SLC13A1: variants seen among roughly 807,000 people sequenced by gnomAD.
The protein encoded by SLC13A1 is Na(+)/sulfate cotransporter.
Under a neutral mutation model 70.0 loss-of-function variants are expected in SLC13A1, and 65 were observed. That is an observed-to-expected ratio of 0.93 (90% CI 0.76 to 1.14). The LOEUF (loss-of-function observed/expected upper bound fraction) is 1.14. Among genes scored for constraint, SLC13A1 ranks in the 50% most tolerant of loss-of-function variants. SLC13A1 has a pLI of 0.00. For missense variants in SLC13A1, 726 were observed against 717.8 expected (o/e 1.01, Z -0.13); for synonymous variants, 275 against 250.5 (o/e 1.10, Z -0.92).
chr7:123,128,898 T>A lies in SLC13A1; in HGVS notation c.1080A>T (p.Leu360=). 1 of 1,613,546 alleles carries A rather than the reference T, an allele frequency of 6.2e-7. No individual in the cohort carries two copies. The highest frequency in any genetic ancestry group is 8.5e-7 in the Non-Finnish European group (1 of 1,179,724). Residue 360 remains leucine (L), a synonymous_variant, in exon 10 of 15, where the codon CTA becomes CTT. Transcript: ENST00000194130. ...TLVLFIIMAL[L]WFSRDPGFVP... is the part of the protein sequence containing the mutation. ...CAAATCCGGGGTCTCGACTAAACCA[T>A]AGCAGAGCCATTATAATGAAGAGGA...
chr7:123,160,378 G>C (rs1168155506), intron 6 of SLC13A1, among the ~76,000 whole-genome samples: 1 of 151,782 alleles, frequency 6.6e-6, no homozygotes, highest in African/African-American at 2.4e-5. Flanking sequence ...ATGATAAAAG[G>C]TTAATCAATC....
chr7:123,138,727 A>G, intron 7 of SLC13A1, among the ~76,000 whole-genome samples: 1 of 152,094 alleles, frequency 6.6e-6, no homozygotes, highest in East Asian at 1.9e-4. Flanking sequence ...TATTTTGAGA[A>G]ATATCCAAAT....
rs546015071 is a variant in SLC13A1, at chr7:123,123,002, C to T, written c.1350+124G>A. The T allele has an allele frequency of 2.1e-5, 15 of 718,104 alleles. No homozygotes were observed. In the African/African-American group the frequency reaches 2.6e-4, roughly 12 times the overall value. 44.5% of individuals were successfully genotyped at this position (718,104 alleles called of 1,614,324 possible). A position where few individuals can be genotyped will look rare whatever the true frequency, so the allele number is the denominator to read the frequency against. ...TTTGTGTGGTATATTCACTGCATAGCTAGCAAAATTTGCAACATTAAAATG... is the reference window on the plus strand; with the variant it reads ...TTTGTGTGGTATATTCACTGCATAGTTAGCAAAATTTGCAACATTAAAATG... On this transcript the variant is annotated intron_variant, in intron 12 of 14. Transcript: ENST00000194130.
At chr7:123,134,588 T>C in intron 7 of SLC13A1, 59 bp from the exon 8 acceptor site, 1 of 1,546,440 alleles carries the variant, frequency 6.5e-7, no homozygotes, top group East Asian at 2.3e-5. Flanking sequence ...TCCTTTCTGA[T>C]TGTCACAGGG....
At chr7:123,150,828 C>A (rs914067731) in intron 6 of SLC13A1, among the ~76,000 whole-genome samples, 8 of 152,034 alleles carry the variant, frequency 5.3e-5, no homozygotes, top group Non-Finnish European at 1.0e-4. Context: ...GTCTCCCTTG[C>A]CAGTTATTTT....
Position 123,193,984 on chromosome 7 carries a change from C to T in SLC13A1, c.99+5864G>A, listed in dbSNP as rs182800953. Among the ~76,000 whole-genome samples, 570 of 152,218 alleles carry T rather than the reference C, an allele frequency of 3.7e-3. 4 individuals are homozygous for T. Among genetic ancestry groups the T allele is most frequent in the African/African-American group, 0.013 (532 of 41,540 alleles). ...CTCTCCTTCCTATCAGGTCCAAAGCCTTACATCCTTCTGCCACGCTAGATC... is the reference window on the plus strand; with the variant it reads ...CTCTCCTTCCTATCAGGTCCAAAGCTTTACATCCTTCTGCCACGCTAGATC... On this transcript the variant is annotated intron_variant, in intron 1 of 14. Coordinates refer to ENST00000194130, the MANE Select transcript of SLC13A1 (RefSeq NM_022444.4).
intron 6 of SLC13A1, chr7:123,149,424 T>C (rs886576700): frequency 2.2e-6 from 1 of 454,194 alleles, no homozygotes; most frequent in African/African-American, 2.0e-5. Context: ...CAAGTAGTAG[T>C]TTCTTAACGT....
chr7:123,127,438 TAAAG>T (rs1479667117), intron 10 of SLC13A1, among the ~76,000 whole-genome samples: 1 of 152,152 alleles, frequency 6.6e-6, no homozygotes, highest in African/African-American at 2.4e-5. Flanking sequence ...GGTGTTTAGA[TAAAG>T]ACTCTCCCTG....
At chr7:123,116,105 G>A (rs1585276909) in intron 14 of SLC13A1, among the ~76,000 whole-genome samples, 1 of 152,248 alleles carries the variant, frequency 6.6e-6, no homozygotes, top group East Asian at 1.9e-4. Flanking sequence ...ACGCCATATG[G>A]CAACTGTATC....
At chr7:123,198,848 C>T (rs1796264589) in intron 1 of SLC13A1, among the ~76,000 whole-genome samples, 1 of 152,054 alleles carries the variant, frequency 6.6e-6, no homozygotes, top group Non-Finnish European at 1.5e-5. Flanking sequence ...CTGGGAATTG[C>T]CCCACCTGTG....
intron 12 of SLC13A1, among the ~76,000 whole-genome samples, chr7:123,120,601 G>A (rs1793343190): frequency 6.6e-6 from 1 of 151,990 alleles, no homozygotes; most frequent in Admixed American, 6.6e-5. Flanking sequence ...ATGACAACTA[G>A]AAGTGGCATG....
At chr7:123,188,126 C>T (rs1474216105) in intron 1 of SLC13A1, among the ~76,000 whole-genome samples, 1 of 152,116 alleles carries the variant, frequency 6.6e-6, no homozygotes, top group Non-Finnish European at 1.5e-5. Context: ...GGCGCAGTTT[C>T]CCCCATGCTG....
intron 1 of SLC13A1, among the ~76,000 whole-genome samples, chr7:123,184,137 TA>T (rs1326919699): frequency 6.6e-6 from 1 of 152,120 alleles, no homozygotes; most frequent in Non-Finnish European, 1.5e-5. Flanking sequence ...TTTTTATCCT[TA>T]TTTTTTTAAT....
Position 123,121,413 on chromosome 7 carries a change from T to G in SLC13A1, c.1350+1713A>C, listed in dbSNP as rs184003858. 4.1e-4 allele frequency among the ~76,000 whole-genome samples: 63 copies of G among 152,238 alleles called. No individual in the cohort carries two copies. In the East Asian group the frequency reaches 9.6e-3, roughly 23 times the overall value. On this transcript the variant is annotated intron_variant, in intron 12 of 14. Coordinates refer to ENST00000194130, the MANE Select transcript of SLC13A1 (RefSeq NM_022444.4). ...TTTCATATTTTACTATTTTTCTATT[T>G]GTACAAAGTCAGTTCCTCTCAAATA... is the stretch of plus-strand genomic sequence containing the variant.
chr7:123,189,327 T>C (rs990310215), intron 1 of SLC13A1, among the ~76,000 whole-genome samples: 1 of 152,100 alleles, frequency 6.6e-6, no homozygotes, highest in Non-Finnish European at 1.5e-5. Flanking sequence ...ATATTTTCTA[T>C]GCTGAAGTTC....
intron 6 of SLC13A1, among the ~76,000 whole-genome samples, chr7:123,155,241 C>A (rs943430681): frequency 1.3e-5 from 2 of 151,620 alleles, no homozygotes; most frequent in Admixed American, 6.6e-5. Context: ...TTTTCCTATT[C>A]TTTTTTGGAA....
In SLC13A1 at chr7:123,114,309, T is replaced by C. The variant is rs1233555919; in HGVS notation, c.*1209A>G. 1 of 151,956 alleles carries C rather than the reference T, an allele frequency of 6.6e-6. No homozygotes were observed. The allele number at this position is 151,956 out of a possible 1,614,324, so 9.4% of individuals were successfully genotyped here. The stretch of plus-strand genomic sequence containing the variant: ...ATAATATTTGTACATATTTTGGGGG[T>C]GTATGTGATATTTTGCTACCTGTCT... On this transcript the variant is annotated 3_prime_UTR_variant, in exon 15 of 15. Transcript: ENST00000194130.
intron 7 of SLC13A1, 80 bp from the exon 8 acceptor site, chr7:123,134,609 C>A: frequency 7.5e-7 from 1 of 1,334,990 alleles, no homozygotes; most frequent in Non-Finnish European, 1.0e-6. Flanking sequence ...AAGCAGCAGT[C>A]CACCTCTTTC....
chr7:123,154,896 C>A (rs1308179519), intron 6 of SLC13A1, among the ~76,000 whole-genome samples: 1 of 152,062 alleles, frequency 6.6e-6, no homozygotes, highest in African/African-American at 2.4e-5. Context: ...CCTCTTATTT[C>A]ATCAAAAGTC....
Sources: allele counts gnomAD v4.1 joint callset (sites outside exome capture counted in the v4.1 genomes callset), GRCh38; gene constraint gnomAD v4.1.1; transcripts MANE v1.5; gene names NCBI Gene and HGNC (gene_info 2026-07-23, HGNC 2026-07-21).